FAF2: variants seen among roughly 807,000 people sequenced by gnomAD.
The protein encoded by FAF2 is FAS-associated factor 2.
A neutral mutation model predicts 62.3 loss-of-function variants in FAF2; 9 were observed. That is an observed-to-expected ratio of 0.14 (90% CI 0.09 to 0.25). FAF2 has a LOEUF of 0.25. Ranked by LOEUF, FAF2 falls within the 10% of genes least tolerant of loss-of-function variation. The pLI, the probability that FAF2 is intolerant of heterozygous loss-of-function variation, is 1.00. For missense variants in FAF2, 368 were observed against 556.2 expected (o/e 0.66, Z 3.40); for synonymous variants, 202 against 198.0 (o/e 1.02, Z -0.17).
chr5:176,465,812 G>A (rs759555583), intron 1 of FAF2, among the ~76,000 whole-genome samples: 50 of 152,252 alleles, frequency 3.3e-4, no homozygotes, highest in East Asian at 1.9e-4. Flanking sequence ...AACCGAGATC[G>A]TGCCACTGCA....
chr5:176,505,311 TCA>T (rs1755657010), intron 10 of FAF2, among the ~76,000 whole-genome samples: 1 of 152,218 alleles, frequency 6.6e-6, no homozygotes, highest in Admixed American at 6.5e-5. Flanking sequence ...CACAGGCATC[TCA>T]CACACAGTTT....
At chr5:176,448,596 C>T (rs895539645) in intron 1 of FAF2, 126 bp downstream of exon 1, 11 of 935,292 alleles carry the variant, frequency 1.2e-5, no homozygotes, top group Admixed American at 8.7e-5. Flanking sequence ...CCCCCTCCCC[C>T]CCAGACTCCA....
intron 1 of FAF2, among the ~76,000 whole-genome samples, chr5:176,454,778 T>G (rs955873576): frequency 6.6e-6 from 1 of 152,136 alleles, no homozygotes; most frequent in Non-Finnish European, 1.5e-5. Flanking sequence ...AACCTTAACC[T>G]TCACTTGACT....
chr5:176,493,835 G>C (rs558183736), intron 5 of FAF2, among the ~76,000 whole-genome samples, 164 bp from the exon 6 acceptor site: 36 of 152,286 alleles, frequency 2.4e-4, no homozygotes, highest in African/African-American at 8.7e-4. Flanking sequence ...AATGCCAGGG[G>C]TGTGAAGGTA....
chr5:176,486,295 T>G, intron 2 of FAF2, 60 bp from the exon 3 acceptor site: 3 of 1,602,998 alleles, frequency 1.9e-6, no homozygotes, highest in Non-Finnish European at 2.6e-6. Flanking sequence ...TTGCCTCACC[T>G]CTTGTTGTTG....
rs12656430 is a variant in FAF2, at chr5:176,459,706, T to G, written c.63+11236T>G. The stretch of plus-strand genomic sequence containing the variant: ...ATAGATATTTGTGTGGGTGTGGGTG[T>G]GGTTGTTTTGTTTTGTTTTTTCTTT... On this transcript the variant is annotated intron_variant, in intron 1 of 10. Coordinates refer to ENST00000261942, the MANE Select transcript of FAF2 (RefSeq NM_014613.3). Among the ~76,000 whole-genome samples the G allele has an allele frequency of 3.4e-4, 52 of 152,180 alleles. 2 individuals carry two copies. The East Asian group carries it at 9.4e-3, about 28-fold the overall frequency.
At chr5:176,456,880 C>G (rs1275489776) in intron 1 of FAF2, among the ~76,000 whole-genome samples, 1 of 152,138 alleles carries the variant, frequency 6.6e-6, no homozygotes, top group Non-Finnish European at 1.5e-5. Flanking sequence ...TGAATCTGTT[C>G]AAGAACATAG....
intron 1 of FAF2, among the ~76,000 whole-genome samples, chr5:176,448,960 G>A (rs546287269): frequency 1.3e-5 from 2 of 152,254 alleles, no homozygotes; most frequent in East Asian, 3.9e-4. Context: ...CGGTCGGGGA[G>A]GGGGCACCTA....
Position 176,506,892 on chromosome 5 carries a change from A to G in FAF2, c.1280A>G (p.Gln427Arg). 6.2e-7 allele frequency: 1 copy of G among 1,612,498 alleles called. No individual in the cohort carries two copies. The highest frequency in any genetic ancestry group is 8.5e-7 in the Non-Finnish European group (1 of 1,179,042). Residue 427 changes from glutamine to arginine, a missense_variant, in exon 11 of 11, where the codon CAG becomes CGG. Gln to Arg is a conservative substitution (Grantham distance 43, BLOSUM62 1). This residue lies in a region of FAF2 where 37 missense variants were observed against 114.3 expected (regional missense o/e 0.32). Transcript: ENST00000261942. ...GAGTGGCCCAATCCCCCTACGCTACAGGAGGCCGGACTCAGCCACACAGAA... is the reference window on the plus strand; with the variant it reads ...GAGTGGCCCAATCCCCCTACGCTACGGGAGGCCGGACTCAGCCACACAGAA... Reference protein sequence around the residue: ...SEEWPNPPTLQEAGLSHTEVL... With the variant: ...SEEWPNPPTLREAGLSHTEVL...
At chr5:176,491,335 G>A (rs1390912316) in intron 4 of FAF2, among the ~76,000 whole-genome samples, 1 of 152,180 alleles carries the variant, frequency 6.6e-6, no homozygotes, top group Non-Finnish European at 1.5e-5. Flanking sequence ...AGAAACAGAT[G>A]TGTGGTACCA....
chr5:176,452,460 T>C (rs1371699839), intron 1 of FAF2, among the ~76,000 whole-genome samples: 1 of 152,198 alleles, frequency 6.6e-6, no homozygotes, highest in Non-Finnish European at 1.5e-5. Flanking sequence ...CCATAGGTGG[T>C]ATGCATAATG....
intron 2 of FAF2, among the ~76,000 whole-genome samples, chr5:176,485,585 T>C (rs983867116): frequency 6.6e-6 from 1 of 152,194 alleles, no homozygotes; most frequent in African/African-American, 2.4e-5. Flanking sequence ...AGGGAATGAA[T>C]TTTTTAAACT....
chr5:176,489,395 T>C (rs964567177), intron 4 of FAF2, among the ~76,000 whole-genome samples: 3 of 151,822 alleles, frequency 2.0e-5, no homozygotes, highest in South Asian at 2.1e-4. Flanking sequence ...CTTAGAACTT[T>C]CTTCCTCAAC....
intron 1 of FAF2, among the ~76,000 whole-genome samples, chr5:176,461,416 C>T (rs1195893242): frequency 1.4e-5 from 2 of 147,790 alleles, no homozygotes; most frequent in East Asian, 4.0e-4. Context: ...AGTCCCAGCT[C>T]AAGTGATCCT....
intron 1 of FAF2, among the ~76,000 whole-genome samples, chr5:176,457,920 C>A (rs1758304608): frequency 6.6e-6 from 1 of 152,158 alleles, no homozygotes; most frequent in Admixed American, 6.5e-5. Flanking sequence ...CCTTAGTTAA[C>A]CCTCTTGTCA....
chr5:176,485,621 G>A (rs1758862371), intron 2 of FAF2, among the ~76,000 whole-genome samples: 1 of 152,186 alleles, frequency 6.6e-6, no homozygotes, highest in South Asian at 2.1e-4. Flanking sequence ...GACAGGAGTT[G>A]TATTAGGATC....
At chr5:176,456,744 C>A (rs1394176632) in intron 1 of FAF2, among the ~76,000 whole-genome samples, 4 of 152,178 alleles carry the variant, frequency 2.6e-5, no homozygotes, top group African/African-American at 7.2e-5. Flanking sequence ...CACTCTGTTG[C>A]TCTTTTTCAG....
chr5:176,457,070 A>G (rs975866274), intron 1 of FAF2, among the ~76,000 whole-genome samples: 2 of 152,192 alleles, frequency 1.3e-5, no homozygotes, highest in Non-Finnish European at 2.9e-5. Context: ...TTTAAGAGGA[A>G]TATTTCTGAA....
Position 176,508,259 on chromosome 5 carries a change from G to T in FAF2, c.*1309G>T, listed in dbSNP as rs949389448. 1 of 152,098 alleles carries T rather than the reference G, an allele frequency of 6.6e-6. No individual in the cohort carries two copies. Among genetic ancestry groups the T allele is most frequent in the African/African-American group, 2.4e-5 (1 of 41,388 alleles). The allele number at this position is 152,098 out of a possible 1,614,324, so 9.4% of individuals were successfully genotyped here. A position where few individuals can be genotyped will look rare whatever the true frequency, so the allele number is the denominator to read the frequency against. Reference sequence around the variant, plus strand: ...TGAGTTTATGGTAATGGGTACATGGGTCAGGCCATGTATTAACAGATGCCA... The same window carrying T: ...TGAGTTTATGGTAATGGGTACATGGTTCAGGCCATGTATTAACAGATGCCA... On this transcript the variant is annotated 3_prime_UTR_variant, in exon 11 of 11. Coordinates refer to ENST00000261942, the MANE Select transcript of FAF2 (RefSeq NM_014613.3).
Sources: allele counts gnomAD v4.1 joint callset (sites outside exome capture counted in the v4.1 genomes callset), GRCh38; gene constraint gnomAD v4.1.1; regional missense constraint gnomAD v4.1.1; transcripts MANE v1.5; gene names NCBI Gene and HGNC (gene_info 2026-07-23, HGNC 2026-07-21).